The following FER variants were observed in gnomAD, a reference collection of about 807,000 sequenced individuals.
FER encodes the protein tyrosine-protein kinase Fer.
In FER, 63 loss-of-function variants were observed where a neutral mutation model predicts 111.0. That is an observed-to-expected ratio of 0.57 (90% CI 0.46 to 0.70). The LOEUF (loss-of-function observed/expected upper bound fraction) is 0.70, where lower values mean the gene tolerates loss of function less well. Among genes scored for constraint, FER ranks in the 30% least tolerant of loss-of-function variants. FER has a pLI of 0.00. For synonymous variants in FER, 327 were observed against 313.9 expected (o/e 1.04, Z -0.44); for missense variants, 914 against 954.0 (o/e 0.96, Z 0.55).
chr5:108,907,331 G>A (rs1750925262), intron 10 of FER, among the ~76,000 whole-genome samples: 1 of 150,560 alleles, frequency 6.6e-6, no homozygotes, highest in Admixed American at 6.7e-5. Flanking sequence ...GTCTCACTCT[G>A]TTGCCCAGGC....
At chr5:109,051,467 C>T (rs1301722218) in intron 16 of FER, 25 of 1,612,952 alleles carry the variant, frequency 1.5e-5, no homozygotes, top group South Asian at 4.4e-5. Flanking sequence ...AAAGGCTGTG[C>T]GTGGGAGTTA....
intron 10 of FER, among the ~76,000 whole-genome samples, chr5:108,903,586 A>G (rs751932324): frequency 2.0e-5 from 3 of 152,216 alleles, no homozygotes; most frequent in Non-Finnish European, 4.4e-5. Flanking sequence ...AAATGAATAT[A>G]TACCTCTTTT....
At chr5:109,122,661 G>A (rs1464025725) in intron 17 of FER, among the ~76,000 whole-genome samples, 1 of 152,178 alleles carries the variant, frequency 6.6e-6, no homozygotes, top group African/African-American at 2.4e-5. Context: ...AATGCGGAAA[G>A]TGGGGTGTTG....
intron 10 of FER, among the ~76,000 whole-genome samples, chr5:108,903,922 A>G (rs6884637): frequency 0.095 from 14,455 of 152,232 alleles, 955 homozygotes; most frequent in African/African-American, 0.19. Context: ...GAAGTGTTGT[A>G]TGCAAATAAA....
At chr5:108,964,021 T>C (rs1759481412) in intron 13 of FER, among the ~76,000 whole-genome samples, 1 of 152,214 alleles carries the variant, frequency 6.6e-6, no homozygotes, top group African/African-American at 2.4e-5. Flanking sequence ...TTCCTTTTCC[T>C]TAAGTCTATA....
At chr5:108,820,201 C>A (rs1176028941) in intron 3 of FER, 3 of 985,260 alleles carry the variant, frequency 3.0e-6, no homozygotes, top group East Asian at 1.1e-4. Context: ...ACAAAGGAAT[C>A]TTCTCTGGAC....
At chr5:108,753,512 A>G (rs1331919236) in intron 1 of FER, among the ~76,000 whole-genome samples, 1 of 152,046 alleles carries the variant, frequency 6.6e-6, no homozygotes, top group Non-Finnish European at 1.5e-5. Context: ...GTGTTTTTGG[A>G]TGGTTGCCCT....
rs1756956794 is a variant in FER, at chr5:108,946,171, T to C, written c.1278T>C (p.His426=). The C allele has an allele frequency of 6.2e-7, 1 of 1,612,440 alleles. No homozygotes were observed. The highest frequency in any genetic ancestry group is 8.5e-7 in the Non-Finnish European group (1 of 1,178,944). ...TATCCAAATTTGAATCTATTCGTCATTCAATTGCTGGAATAATTAGGTCTC... is the reference window on the plus strand; with the variant it reads ...TATCCAAATTTGAATCTATTCGTCACTCAATTGCTGGAATAATTAGGTCTC... ...ERLSKFESIR[H]SIAGIIRSPK... The change falls in exon 11 of 20, where the codon CAT becomes CAC. Residue 426 remains histidine (H), a synonymous_variant. Coordinates refer to ENST00000281092, the MANE Select transcript of FER (RefSeq NM_005246.4).
chr5:108,926,962 G>C (rs1753823935), intron 10 of FER, among the ~76,000 whole-genome samples: 2 of 151,988 alleles, frequency 1.3e-5, no homozygotes, highest in Non-Finnish European at 2.9e-5. Context: ...CATTCCTCTG[G>C]AGATGAGACT....
intron 9 of FER, among the ~76,000 whole-genome samples, chr5:108,895,280 G>A (rs756047194): frequency 6.6e-6 from 1 of 152,040 alleles, no homozygotes; most frequent in African/African-American, 2.4e-5. Context: ...ACATAAAATG[G>A]ATATGTTGTC....
intron 17 of FER, among the ~76,000 whole-genome samples, chr5:109,174,545 C>G (rs2126817799): frequency 6.6e-6 from 1 of 152,274 alleles, no homozygotes. Context: ...ACTTCTGTTA[C>G]TGTGTGCAAA....
At position 108,871,479 on chromosome 5, in the gene FER, C is replaced by T; in HGVS notation, c.780C>T (p.Tyr260=). Residue 260 remains tyrosine (Y), a synonymous_variant, in exon 7 of 20, where the codon TAC becomes TAT. Coordinates refer to ENST00000281092, the MANE Select transcript of FER (RefSeq NM_005246.4). The stretch of plus-strand genomic sequence containing the variant: ...AACAGATAGATCCTAGTACAGAATA[C>T]AATAATTTCATAGATGTTCACAGGT... The part of the protein sequence containing the change: ...SVEQIDPSTE[Y]NNFIDVHRTT... The T allele has an allele frequency of 1.2e-6, 2 of 1,605,380 alleles. No homozygotes were observed. The highest frequency in any genetic ancestry group is 1.7e-6 in the Non-Finnish European group (2 of 1,174,780).
chr5:109,179,321 G>A (rs781402310), intron 17 of FER, among the ~76,000 whole-genome samples: 4 of 152,186 alleles, frequency 2.6e-5, no homozygotes, highest in Non-Finnish European at 5.9e-5. Context: ...ATTTAAGTGT[G>A]TAATGTTAGG....
intron 13 of FER, among the ~76,000 whole-genome samples, chr5:109,001,785 G>T (rs905432493): frequency 2.6e-5 from 4 of 152,202 alleles, no homozygotes; most frequent in Admixed American, 1.3e-4. Context: ...CTTCAGCAAA[G>T]TCTCAGGATA....
At chr5:108,908,505 A>G (rs1751097413) in intron 10 of FER, among the ~76,000 whole-genome samples, 1 of 152,146 alleles carries the variant, frequency 6.6e-6, no homozygotes, top group South Asian at 2.1e-4. Context: ...TTTTGTTACG[A>G]TTTTTAAAAA....
intron 13 of FER, among the ~76,000 whole-genome samples, chr5:109,030,832 T>A (rs918177736): frequency 6.6e-6 from 1 of 152,154 alleles, no homozygotes; most frequent in African/African-American, 2.4e-5. Flanking sequence ...CAAAGAGACT[T>A]CCCAGGATAG....
intron 16 of FER, among the ~76,000 whole-genome samples, chr5:109,087,520 A>G (rs906824953): frequency 3.3e-5 from 5 of 151,644 alleles, no homozygotes; most frequent in Non-Finnish European, 5.9e-5. Context: ...TCTTAATTTT[A>G]TTAATTTTTC....
chr5:108,787,093 A>AG (rs1395173243), intron 2 of FER, among the ~76,000 whole-genome samples: 2 of 152,016 alleles, frequency 1.3e-5, no homozygotes, highest in East Asian at 3.9e-4. Flanking sequence ...GCCCAGCTGC[A>AG]GCTTGGGGCC....
At chr5:108,925,398 T>C (rs994198215) in intron 10 of FER, among the ~76,000 whole-genome samples, 1 of 152,018 alleles carries the variant, frequency 6.6e-6, no homozygotes, top group African/African-American at 2.4e-5. Context: ...ATGTTTATGG[T>C]TTAATTTAGG....
Sources: gnomAD v4.1 joint callset for allele counts (sites outside exome capture counted in the v4.1 genomes callset) on GRCh38, gnomAD v4.1.1 for gene constraint, MANE v1.5 for transcripts, NCBI Gene and HGNC (gene_info 2026-07-23, HGNC 2026-07-21) for gene names.